The following SLC24A2 variants were observed in gnomAD, a reference collection of about 807,000 sequenced individuals.
SLC24A2 encodes solute carrier family 24 member 2, also known as sodium/potassium/calcium exchanger 2.
In SLC24A2, 36 loss-of-function variants were observed where a neutral mutation model predicts 62.0. The observed-to-expected ratio is 0.58, with a 90% CI of 0.44 to 0.77. The LOEUF (loss-of-function observed/expected upper bound fraction) is 0.77. Ranked by LOEUF, SLC24A2 falls within the 30% of genes least tolerant of loss-of-function variation. SLC24A2 has a pLI of 0.00. For synonymous variants in SLC24A2, 358 were observed against 294.0 expected, an observed-to-expected ratio of 1.22 and a Z score of -2.23; for missense variants, 846 against 817.9, an observed-to-expected ratio of 1.03 and a Z score of -0.42.
At chr9:20,245,203 G>T in the SLC24A2 span, among the ~76,000 whole-genome samples, 7 of 152,212 alleles carry the variant, frequency 4.6e-5, no homozygotes, top group Non-Finnish European at 1.0e-4. Flanking sequence ...AGAAGAAGGT[G>T]GAGAGGGCAA....
the SLC24A2 span, among the ~76,000 whole-genome samples, chr9:20,139,154 A>T: frequency 6.6e-6 from 1 of 152,302 alleles, no homozygotes; most frequent in Admixed American, 6.5e-5. Flanking sequence ...AAGTACAGCT[A>T]GTCTTTTAAC....
chr9:20,121,928 C>T, the SLC24A2 span, among the ~76,000 whole-genome samples: 3 of 152,220 alleles, frequency 2.0e-5, no homozygotes, highest in South Asian at 4.1e-4. Context: ...ATGCATTATA[C>T]ACAACTTCAA....
At chr9:19,613,202 T>G (rs991186398) in intron 4 of SLC24A2, among the ~76,000 whole-genome samples, 1 of 152,248 alleles carries the variant, frequency 6.6e-6, no homozygotes, top group African/African-American at 2.4e-5. Context: ...TTTTCACCCC[T>G]GAATTTCTAC....
At chr9:19,922,845 T>G in the SLC24A2 span, among the ~76,000 whole-genome samples, 1 of 152,174 alleles carries the variant, frequency 6.6e-6, no homozygotes, top group South Asian at 2.1e-4. Context: ...ACAACTTGAA[T>G]GCATGAGGAT....
the SLC24A2 span, among the ~76,000 whole-genome samples, chr9:20,075,814 G>A: frequency 7.2e-5 from 11 of 152,098 alleles, no homozygotes; most frequent in African/African-American, 2.7e-4. Context: ...AAGAGAAATT[G>A]TTGTAAAATT....
At chr9:19,975,623 A>G in the SLC24A2 span, among the ~76,000 whole-genome samples, 1 of 152,194 alleles carries the variant, frequency 6.6e-6, no homozygotes, top group Non-Finnish European at 1.5e-5. Flanking sequence ...GGCATCCAAA[A>G]CAGATGATTC....
intron 2 of SLC24A2, among the ~76,000 whole-genome samples, chr9:19,778,675 A>C (rs995444649): frequency 6.6e-6 from 1 of 152,200 alleles, no homozygotes; most frequent in African/African-American, 2.4e-5. Flanking sequence ...CCCAGTTGGT[A>C]GTACTCCCGG....
the SLC24A2 span, among the ~76,000 whole-genome samples, chr9:20,010,864 G>GT: frequency 7.3e-5 from 11 of 150,378 alleles, no homozygotes; most frequent in African/African-American, 2.7e-4. Context: ...GTGGTGTTTG[G>GT]TTTTTTGTCC....
At chr9:20,195,206 G>A in the SLC24A2 span, among the ~76,000 whole-genome samples, 11 of 152,022 alleles carry the variant, frequency 7.2e-5, no homozygotes, top group Non-Finnish European at 1.3e-4. Flanking sequence ...TTTCCAGTTA[G>A]GGGAAATTAT....
chr9:20,285,678 C>A, the SLC24A2 span, among the ~76,000 whole-genome samples: 1 of 152,172 alleles, frequency 6.6e-6, no homozygotes, highest in South Asian at 2.1e-4. Flanking sequence ...GAATGTTTGA[C>A]CAAATTTCTG....
intron 2 of SLC24A2, among the ~76,000 whole-genome samples, chr9:19,667,465 A>C (rs1052009451): frequency 6.6e-6 from 1 of 152,118 alleles, no homozygotes; most frequent in African/African-American, 2.4e-5. Flanking sequence ...TCTACCTCCC[A>C]ATTACTGCTT....
the SLC24A2 span, among the ~76,000 whole-genome samples, chr9:20,165,339 T>C: frequency 1.8e-4 from 28 of 151,800 alleles, no homozygotes; most frequent in African/African-American, 6.5e-4. Context: ...AATAAACATA[T>C]AAAATAGCTA....
At chr9:19,895,957 T>C in the SLC24A2 span, 10 of 1,610,066 alleles carry the variant, frequency 6.2e-6, no homozygotes, top group East Asian at 2.2e-4. Flanking sequence ...CTCCAGGGAG[T>C]CTTGGAGCAT....
chr9:19,578,311 C>A, intron 5 of SLC24A2, among the ~76,000 whole-genome samples: 1 of 145,970 alleles, frequency 6.9e-6, no homozygotes, highest in South Asian at 2.2e-4. Context: ...TGCGATGTTT[C>A]ATTTCTTCTT....
the SLC24A2 span, among the ~76,000 whole-genome samples, chr9:19,797,135 C>T: frequency 2.0e-5 from 3 of 152,060 alleles, no homozygotes; most frequent in African/African-American, 7.2e-5. Flanking sequence ...TACAGTTTCC[C>T]ATTTTTATTT....
chr9:19,827,566 A>G, the SLC24A2 span, among the ~76,000 whole-genome samples: 2 of 152,108 alleles, frequency 1.3e-5, no homozygotes, highest in South Asian at 4.1e-4. Context: ...ACATTTTCAT[A>G]TATTTTTACA....
the SLC24A2 span, among the ~76,000 whole-genome samples, chr9:20,238,772 C>A: frequency 1.3e-5 from 2 of 152,098 alleles, no homozygotes; most frequent in African/African-American, 4.8e-5. Context: ...GAAGTATTAA[C>A]CCCCAGCATG....
chr9:20,280,746 A>T, the SLC24A2 span, among the ~76,000 whole-genome samples: 6 of 152,172 alleles, frequency 3.9e-5, no homozygotes, highest in African/African-American at 1.2e-4. Context: ...TAGGTGAAGG[A>T]TCTCAAGATG....
At chr9:20,038,217 G>A in the SLC24A2 span, among the ~76,000 whole-genome samples, 1 of 152,168 alleles carries the variant, frequency 6.6e-6, no homozygotes, top group South Asian at 2.1e-4. Flanking sequence ...TCCCAGCTGT[G>A]TAAGCTTGAA....
Sources: allele counts gnomAD v4.1 joint callset (sites outside exome capture counted in the v4.1 genomes callset), GRCh38; gene constraint gnomAD v4.1.1; transcripts MANE v1.5; gene names NCBI Gene and HGNC (gene_info 2026-07-23, HGNC 2026-07-21).